The following FAM193A variants were observed in gnomAD, a reference collection of about 807,000 sequenced individuals.
FAM193A encodes protein FAM193A.
In FAM193A, 22 loss-of-function variants were observed where a neutral mutation model predicts 126.5. The ratio of observed to expected loss-of-function variants is 0.17; its 90% CI spans 0.12 to 0.25. FAM193A has a LOEUF of 0.25. FAM193A is among the 10% of genes least tolerant of loss of function. The pLI is 1.00. For synonymous variants in FAM193A, 761 were observed against 646.8 expected (o/e 1.18, Z -2.68); for missense variants, 1,675 against 1,672.8 (o/e 1.00, Z -0.02).
At chr4:2,567,073 G>T (rs1013744671) in intron 1 of FAM193A, among the ~76,000 whole-genome samples, 2 of 151,570 alleles carry the variant, frequency 1.3e-5, no homozygotes, top group South Asian at 4.2e-4. Flanking sequence ...CCGAGTAGCC[G>T]GGACTACAGG....
At chr4:2,637,586 C>T (rs999999673) in intron 5 of FAM193A, among the ~76,000 whole-genome samples, 3 of 152,168 alleles carry the variant, frequency 2.0e-5, no homozygotes, top group Admixed American at 2.0e-4. Flanking sequence ...GAAGTGAGAA[C>T]AGTTTGCAGA....
At chr4:2,553,943 C>T (rs1334848692) in intron 1 of FAM193A, among the ~76,000 whole-genome samples, 2 of 152,162 alleles carry the variant, frequency 1.3e-5, no homozygotes, top group African/African-American at 4.8e-5. Flanking sequence ...TCCTCTTTGC[C>T]TTCCACCGTG....
At chr4:2,623,010 G>T (rs1183468686) in intron 2 of FAM193A, among the ~76,000 whole-genome samples, 1 of 152,044 alleles carries the variant, frequency 6.6e-6, no homozygotes, top group Non-Finnish European at 1.5e-5. Context: ...CAACCAGCCT[G>T]CCCCCAACCC....
At chr4:2,563,037 C>T (rs1738722207) in intron 1 of FAM193A, among the ~76,000 whole-genome samples, 1 of 151,984 alleles carries the variant, frequency 6.6e-6, no homozygotes, top group Non-Finnish European at 1.5e-5. Context: ...CTCTGCCTCC[C>T]AGATTCAAGC....
At chr4:2,674,821 C>T (rs1265468975) in intron 13 of FAM193A, among the ~76,000 whole-genome samples, 1 of 145,826 alleles carries the variant, frequency 6.9e-6, no homozygotes, top group Non-Finnish European at 1.5e-5. Flanking sequence ...CATAGTAAAA[C>T]CCTGTCTCTA....
In FAM193A at chr4:2,545,167, A is replaced by G. The variant is rs113004963; in HGVS notation, c.255+7997A>G. Among the ~76,000 whole-genome samples the G allele has an allele frequency of 4.7e-3, 715 of 152,098 alleles. 3 individuals carry two copies. The highest frequency in any genetic ancestry group is 0.016 in the African/African-American group (682 of 41,504). ...GCCGCCATGCCCAGCTAATTTTCGT[A>G]TTTTTAGTAGAGATGGGGTTTCACC... On this transcript the variant is annotated intron_variant, in intron 1 of 20. Coordinates refer to ENST00000637812, the MANE Select transcript of FAM193A (RefSeq NM_001366318.2).
intron 19 of FAM193A, among the ~76,000 whole-genome samples, chr4:2,712,052 T>A (rs1049357814): frequency 6.6e-6 from 1 of 152,192 alleles, no homozygotes; most frequent in Non-Finnish European, 1.5e-5. Context: ...TTTTTTTCAT[T>A]GTGATCAGAG....
chr4:2,655,265 G>T, intron 7 of FAM193A: 3 of 464,606 alleles, frequency 6.5e-6, no homozygotes, highest in Non-Finnish European at 1.2e-5. Flanking sequence ...TGTCAAAATT[G>T]ATGGTATGAT....
At chr4:2,719,932 A>G (rs1195671431) in intron 20 of FAM193A, 1 of 285,186 alleles carries the variant, frequency 3.5e-6, no homozygotes, top group Non-Finnish European at 7.2e-6. Context: ...CCGGGACTAC[A>G]GGCACATGCA....
At chr4:2,631,801 G>A (rs1430579423) in intron 5 of FAM193A, among the ~76,000 whole-genome samples, 4 of 152,160 alleles carry the variant, frequency 2.6e-5, no homozygotes, top group Non-Finnish European at 5.9e-5. Context: ...GGTGGAAGGA[G>A]CATGGTATAG....
intron 12 of FAM193A, among the ~76,000 whole-genome samples, chr4:2,665,259 C>G (rs767086169): frequency 6.6e-6 from 1 of 152,082 alleles, no homozygotes; most frequent in Non-Finnish European, 1.5e-5. Context: ...TCCAATTGAT[C>G]ATTGGTAATA....
intron 1 of FAM193A, among the ~76,000 whole-genome samples, chr4:2,537,785 C>T (rs1161708795): frequency 1.3e-5 from 2 of 152,204 alleles, no homozygotes; most frequent in African/African-American, 2.4e-5. Flanking sequence ...GAGCTGGCAG[C>T]CCTGGCCCCT....
chr4:2,632,637 G>A (rs571251004), intron 5 of FAM193A, among the ~76,000 whole-genome samples: 70 of 151,466 alleles, frequency 4.6e-4, no homozygotes, highest in Middle Eastern at 3.4e-3. Flanking sequence ...CAAGCCATGG[G>A]GAGGTATCTA....
At position 2,700,517 on chromosome 4, in the gene FAM193A, A is replaced by G. The variant is rs1717599329; in HGVS notation, c.4345A>G (p.Lys1449Glu). 1 of 1,612,474 alleles carries G rather than the reference A, an allele frequency of 6.2e-7. No individual in the cohort carries two copies. The highest frequency in any genetic ancestry group is 1.7e-4 in the Middle Eastern group (1 of 6,048). The change falls in exon 19 of 21, where the codon AAA becomes GAA. Residue 1449 changes from lysine (K) to glutamate (E), a missense_variant. By Grantham distance (56) the Lys-to-Glu change is moderately conservative (BLOSUM62 1). Transcript: ENST00000637812. ...CAAGAACAAGAAAAATAAGAAGAAG[A>G]AAGGAGACAGAGTCAACAATTCAAT... ...KGKNKKNKKK[K>E]GDRVNNSIDD... is the part of the protein sequence containing the mutation.
chr4:2,568,973 C>CTTT lies in FAM193A; in HGVS notation c.256-27092_256-27090dup, dbSNP rs753557878. On this transcript the variant is annotated intron_variant, in intron 1 of 20. Coordinates refer to ENST00000637812, the MANE Select transcript of FAM193A (RefSeq NM_001366318.2). ...GATTTCTTTTGTTGTTGTTGTTTTG[C>CTTT]TTTTTTTTTTTTTTTTTTTTTGATC... Among the ~76,000 whole-genome samples, 893 of 90,694 alleles carry CTTT rather than the reference C, an allele frequency of 9.8e-3. 43 individuals are homozygous for CTTT. Among genetic ancestry groups the CTTT allele is most frequent in the African/African-American group, 0.035 (771 of 21,726 alleles). 59.5% of individuals were successfully genotyped at this position (90,694 alleles called of 152,430 possible). A position where few individuals can be genotyped will look rare whatever the true frequency, so the allele number is the denominator to read the frequency against.
chr4:2,661,879 A>G (rs1043549904), intron 10 of FAM193A, among the ~76,000 whole-genome samples: 1 of 152,134 alleles, frequency 6.6e-6, no homozygotes, highest in African/African-American at 2.4e-5. Flanking sequence ...TAAAGCCTTG[A>G]AATCTGTTTA....
At chr4:2,648,476 A>G (rs1745357831) in intron 7 of FAM193A, among the ~76,000 whole-genome samples, 1 of 152,118 alleles carries the variant, frequency 6.6e-6, no homozygotes, top group Admixed American at 6.5e-5. Flanking sequence ...TTCCTAATTC[A>G]TGTTTTTGTC....
chr4:2,694,177 GT>G (rs754733128), intron 16 of FAM193A, among the ~76,000 whole-genome samples: 2 of 152,174 alleles, frequency 1.3e-5, no homozygotes, highest in Non-Finnish European at 2.9e-5. Flanking sequence ...AGTTGTATTT[GT>G]TATACCTAGG....
At chr4:2,724,485 C>A (rs1720511354) in intron 20 of FAM193A, among the ~76,000 whole-genome samples, 1 of 152,130 alleles carries the variant, frequency 6.6e-6, no homozygotes, top group Non-Finnish European at 1.5e-5. Context: ...CCATGTTAGT[C>A]AGAATTTTAG....
Sources: allele counts gnomAD v4.1 joint callset (sites outside exome capture counted in the v4.1 genomes callset), GRCh38; gene constraint gnomAD v4.1.1; transcripts MANE v1.5; gene names NCBI Gene and HGNC (gene_info 2026-07-23, HGNC 2026-07-21).